DOCK10: variants seen among roughly 807,000 people sequenced by gnomAD.
The protein encoded by DOCK10 is dedicator of cytokinesis protein 10.
DOCK10 carries 145 observed loss-of-function variants against 280.1 expected under a neutral mutation model. That is an observed-to-expected ratio of 0.52 (90% CI 0.45 to 0.59). The LOEUF (loss-of-function observed/expected upper bound fraction) is 0.59, where lower values mean the gene tolerates loss of function less well. Among genes scored for constraint, DOCK10 ranks in the 20% least tolerant of loss-of-function variants. The probability of loss-of-function intolerance (pLI) is 0.00; values close to 1 mark genes in which losing one functional copy is unlikely to be tolerated. For missense variants in DOCK10, 2,368 were observed against 2,651.7 expected (o/e 0.89, Z 2.35); for synonymous variants, 915 against 942.2 (o/e 0.97, Z 0.53).
At chr2:224,927,475 G>C (rs1702097100) in intron 2 of DOCK10, among the ~76,000 whole-genome samples, 1 of 152,216 alleles carries the variant, frequency 6.6e-6, no homozygotes, top group African/African-American at 2.4e-5. Context: ...CTTCTTGGAG[G>C]GGAGGTATGG....
At chr2:224,961,419 T>TTTCC (rs1491212615) in intron 1 of DOCK10, among the ~76,000 whole-genome samples, 1 of 100,500 alleles carries the variant, frequency 1.0e-5, no homozygotes, top group South Asian at 3.6e-4. Flanking sequence ...TTTCTCTTTC[T>TTTCC]TTCTTTCTTT....
chr2:224,858,969 A>AT lies in DOCK10; in HGVS notation c.1686-1988dup, dbSNP rs572356255. Among the ~76,000 whole-genome samples the AT allele has an allele frequency of 6.6e-5, 10 of 152,282 alleles. No homozygotes were observed. The East Asian group carries it at 1.9e-3, about 29-fold the overall frequency. ...ATGATGTGCAGAATGAAGCAGACAT[A>AT]TTTTTTGTGTGTGTGTGGCTATGGA... is the stretch of plus-strand genomic sequence containing the variant. On this transcript the variant is annotated intron_variant, in intron 14 of 55. Coordinates refer to ENST00000258390, the MANE Select transcript of DOCK10 (RefSeq NM_014689.3).
At chr2:224,916,410 G>A (rs559840738) in intron 3 of DOCK10, among the ~76,000 whole-genome samples, 82 of 152,140 alleles carry the variant, frequency 5.4e-4, no homozygotes, top group African/African-American at 1.7e-3. Flanking sequence ...GTGTGATGGC[G>A]TGTGCCTGTA....
At chr2:224,930,012 C>T (rs1185349402) in intron 2 of DOCK10, among the ~76,000 whole-genome samples, 2 of 151,882 alleles carry the variant, frequency 1.3e-5, no homozygotes, top group African/African-American at 2.4e-5. Flanking sequence ...ACCAGCATGG[C>T]CAACATGGCA....
intron 26 of DOCK10, among the ~76,000 whole-genome samples, chr2:224,833,831 T>C (rs1180143311): frequency 6.6e-6 from 1 of 152,110 alleles, no homozygotes; most frequent in African/African-American, 2.4e-5. Context: ...TTTGTATTTT[T>C]AGTAGAGATG....
chr2:224,853,234 C>T, intron 16 of DOCK10, 112 bp from the exon 17 acceptor site: 1 of 866,778 alleles, frequency 1.2e-6, no homozygotes, highest in Non-Finnish European at 1.6e-6. Flanking sequence ...CTGGCTTGTA[C>T]ACCAATTGAT....
chr2:224,778,457 A>G (rs1219908440), intron 50 of DOCK10, 173 bp from the exon 51 acceptor site: 3 of 692,000 alleles, frequency 4.3e-6, no homozygotes, highest in African/African-American at 1.8e-5. Context: ...GAGAAAATAA[A>G]GTATCATCTT....
At chr2:224,983,663 A>G (rs1056728177) in intron 1 of DOCK10, 18 of 429,182 alleles carry the variant, frequency 4.2e-5, no homozygotes, top group African/African-American at 2.7e-4. Context: ...AACAGGCATT[A>G]ATTGCTCAGT....
chr2:225,027,130 G>T (rs1233864729), intron 1 of DOCK10, among the ~76,000 whole-genome samples: 1 of 152,158 alleles, frequency 6.6e-6, no homozygotes, highest in African/African-American at 2.4e-5. Context: ...GTAGGTCTGA[G>T]ATCCGTCATG....
intron 1 of DOCK10, among the ~76,000 whole-genome samples, chr2:224,933,125 C>T (rs1010246673): frequency 2.0e-5 from 3 of 152,006 alleles, no homozygotes; most frequent in African/African-American, 4.8e-5. Context: ...ATTCAGTTGA[C>T]GAACATATTT....
chr2:224,937,052 T>C (rs1702731479), intron 1 of DOCK10, among the ~76,000 whole-genome samples: 1 of 152,170 alleles, frequency 6.6e-6, no homozygotes, highest in South Asian at 2.1e-4. Context: ...TATGTGGTTC[T>C]AGAAGCTAAT....
chr2:224,888,321 G>A (rs538377365), intron 4 of DOCK10, among the ~76,000 whole-genome samples: 9 of 152,010 alleles, frequency 5.9e-5, no homozygotes, highest in African/African-American at 4.8e-5. Context: ...GTGTGTGCGT[G>A]TGCGTGTGTA....
At chr2:224,995,014 C>A (rs1223885311) in intron 1 of DOCK10, among the ~76,000 whole-genome samples, 1 of 152,144 alleles carries the variant, frequency 6.6e-6, no homozygotes, top group East Asian at 1.9e-4. Flanking sequence ...AGGTGCCCTC[C>A]CACGGTTCAC....
intron 1 of DOCK10, among the ~76,000 whole-genome samples, chr2:224,967,819 T>A (rs777366301): frequency 1.3e-5 from 2 of 152,088 alleles, no homozygotes; most frequent in African/African-American, 4.8e-5. Context: ...GAAGAAGTTT[T>A]AAAAAAATGA....
At chr2:224,955,840 CAAG>C (rs1358203123) in intron 1 of DOCK10, among the ~76,000 whole-genome samples, 1 of 152,192 alleles carries the variant, frequency 6.6e-6, no homozygotes, top group Non-Finnish European at 1.5e-5. Flanking sequence ...ACTAGGTAAA[CAAG>C]AAGAACTGAA....
chr2:224,873,449 G>A lies in DOCK10; in HGVS notation c.1257+547C>T, dbSNP rs142895775. Among the ~76,000 whole-genome samples, 30 of 152,016 alleles carry A rather than the reference G, an allele frequency of 2.0e-4. No individual in the cohort carries two copies. The East Asian group carries it at 3.9e-3, about 20-fold the overall frequency. Reference sequence around the variant, plus strand: ...AAAAAATTAGCTAGGCGGCCATGGTGGTGCGTGCCTGTAGTCCATTACTTG... The same window carrying A: ...AAAAAATTAGCTAGGCGGCCATGGTAGTGCGTGCCTGTAGTCCATTACTTG... On this transcript the variant is annotated intron_variant, in intron 11 of 55. Coordinates refer to ENST00000258390, the MANE Select transcript of DOCK10 (RefSeq NM_014689.3).
intron 2 of DOCK10, among the ~76,000 whole-genome samples, chr2:224,919,836 T>G (rs1349129611): frequency 2.6e-5 from 4 of 152,070 alleles, no homozygotes; most frequent in African/African-American, 9.7e-5. Flanking sequence ...TCTAGAGACA[T>G]CAATGATGAA....
chr2:224,976,084 G>C (rs770568411), intron 1 of DOCK10, among the ~76,000 whole-genome samples: 1 of 152,116 alleles, frequency 6.6e-6, no homozygotes, highest in Admixed American at 6.6e-5. Flanking sequence ...AGACTCCATC[G>C]CTTTATAATG....
chr2:224,971,319 G>A (rs766190969), intron 1 of DOCK10, among the ~76,000 whole-genome samples: 1 of 152,092 alleles, frequency 6.6e-6, no homozygotes, highest in African/African-American at 2.4e-5. Flanking sequence ...GGTTGCAAGA[G>A]GGGAGGGGAG....
Sources: gnomAD v4.1 joint callset for allele counts (sites outside exome capture counted in the v4.1 genomes callset) on GRCh38, gnomAD v4.1.1 for gene constraint, MANE v1.5 for transcripts, NCBI Gene and HGNC (gene_info 2026-07-23, HGNC 2026-07-21) for gene names.